TM9SF4: variants seen among roughly 807,000 people sequenced by gnomAD.
The protein encoded by TM9SF4 is transmembrane 9 superfamily member 4.
In TM9SF4, 26 loss-of-function variants were observed where a neutral mutation model predicts 90.4. The ratio of observed to expected loss-of-function variants is 0.29; its 90% CI spans 0.21 to 0.40. The LOEUF (loss-of-function observed/expected upper bound fraction) is 0.40. TM9SF4 is among the 10% of genes least tolerant of loss of function. The pLI, the probability that TM9SF4 is intolerant of heterozygous loss-of-function variation, is 1.00. For synonymous variants in TM9SF4, 293 were observed against 315.4 expected, an observed-to-expected ratio of 0.93 and a Z score of 0.75; for missense variants, 549 against 834.8, an observed-to-expected ratio of 0.66 and a Z score of 4.22.
rs979848885 is a variant in TM9SF4, at chr20:32,129,597, A to T, written c.16-3416A>T. ...GACATTTTACTATTGTAAGTAGTGA[A>T]TTTTTTTTTTTTTTTTTTTGAAATA... On this transcript the variant is annotated intron_variant, in intron 1 of 17. Coordinates refer to ENST00000398022, the MANE Select transcript of TM9SF4 (RefSeq NM_014742.4). Among the ~76,000 whole-genome samples the T allele has an allele frequency of 1.4e-4, 19 of 139,662 alleles. No individual in the cohort carries two copies. In the South Asian group the frequency reaches 3.4e-3, roughly 25 times the overall value. 91.6% of individuals were successfully genotyped at this position (139,662 alleles called of 152,430 possible).
At chr20:32,134,969 A>G (rs925933583) in intron 2 of TM9SF4, among the ~76,000 whole-genome samples, 2 of 152,208 alleles carry the variant, frequency 1.3e-5, no homozygotes, top group Non-Finnish European at 2.9e-5. Flanking sequence ...GAAAATTTCT[A>G]ATCCCAAAAA....
At chr20:32,163,268 A>AAATATATATATATAT (rs1555886757) in intron 17 of TM9SF4, among the ~76,000 whole-genome samples, 8 of 74,484 alleles carry the variant, frequency 1.1e-4, no homozygotes, top group African/African-American at 4.1e-4. Flanking sequence ...AAAAAAAAAA[A>AAATATATATATATAT]ATATATATAT....
intron 3 of TM9SF4, among the ~76,000 whole-genome samples, chr20:32,140,030 C>T (rs2046649078): frequency 6.6e-6 from 1 of 152,214 alleles, no homozygotes; most frequent in Non-Finnish European, 1.5e-5. Flanking sequence ...TCTATGAGTA[C>T]ATCTATTCAA....
At chr20:32,125,565 G>C (rs1335301715) in intron 1 of TM9SF4, among the ~76,000 whole-genome samples, 21 of 152,018 alleles carry the variant, frequency 1.4e-4, no homozygotes, top group Admixed American at 1.4e-3. Context: ...AAGCCCTCCT[G>C]GTAATTTCCA....
intron 12 of TM9SF4, among the ~76,000 whole-genome samples, chr20:32,154,641 C>T (rs1002763229): frequency 4.4e-4 from 67 of 152,052 alleles, no homozygotes; most frequent in African/African-American, 1.5e-3. Context: ...TTAGTAGAGA[C>T]GGAGTTTCGC....
intron 1 of TM9SF4, among the ~76,000 whole-genome samples, chr20:32,122,273 C>T (rs1238131726): frequency 7.4e-6 from 1 of 135,628 alleles, no homozygotes; most frequent in Non-Finnish European, 1.5e-5. Context: ...CCACCTCCCT[C>T]CCGGACGGGG....
intron 3 of TM9SF4, among the ~76,000 whole-genome samples, chr20:32,139,310 G>C (rs1453579943): frequency 1.3e-5 from 2 of 152,196 alleles, no homozygotes; most frequent in Non-Finnish European, 2.9e-5. Context: ...TATCCAAACT[G>C]AAAATGCCTT....
At chr20:32,158,355 C>T (rs1053900706) in intron 14 of TM9SF4, 96 bp from the exon 15 acceptor site, 15 of 1,149,252 alleles carry the variant, frequency 1.3e-5, no homozygotes, top group African/African-American at 3.1e-5. Context: ...CCACCACACT[C>T]GTGTAGGTGC....
intron 3 of TM9SF4, chr20:32,137,085 G>T (rs1253969774): frequency 1.5e-5 from 7 of 454,236 alleles, no homozygotes; most frequent in Non-Finnish European, 2.2e-5. Context: ...AATACCAACT[G>T]TGCCGAAGTC....
rs386393622 is a variant in TM9SF4 at position 32,115,807 on chromosome 20, C to CTTTTT, written c.15+6072_15+6076dup. Among the ~76,000 whole-genome samples, 468 of 95,088 alleles carry CTTTTT rather than the reference C, an allele frequency of 4.9e-3. 13 individuals are homozygous for CTTTTT. The highest frequency in any genetic ancestry group is 7.2e-3 in the Middle Eastern group (1 of 138). 62.4% of individuals were successfully genotyped at this position (95,088 alleles called of 152,430 possible). ...TAATAACAAAACCTACCACTTTAAG[C>CTTTTT]TTTTTTTTTTTTTTTTTTTTTTTTG... On this transcript the variant is annotated intron_variant, in intron 1 of 17. Transcript: ENST00000398022.
At position 32,157,810 on chromosome 20, in the gene TM9SF4, T is replaced by C; in HGVS notation, c.1346T>C (p.Met449Thr). 1 of 1,614,200 alleles carries C rather than the reference T, an allele frequency of 6.2e-7. No homozygotes were observed. The highest frequency in any genetic ancestry group is 1.1e-5 in the South Asian group (1 of 91,088). ...HSSGAVPFPT[M>T]VALLCMWFGI... ...TGTCTACAGGTGCCCTTTCCCACCA[T>C]GGTGGCTCTGCTGTGCATGTGGTTC... The change falls in exon 14 of 18, where the codon ATG (methionine) becomes ACG (threonine). Residue 449 changes from methionine (M) to threonine (T), a missense_variant. Transcript: ENST00000398022.
intron 1 of TM9SF4, among the ~76,000 whole-genome samples, chr20:32,124,676 T>G (rs2046393334): frequency 6.6e-6 from 1 of 151,792 alleles, no homozygotes; most frequent in Admixed American, 6.6e-5. Context: ...AACCTCTGCC[T>G]CCCAGGTTCA....
chr20:32,145,073 A>T lies in TM9SF4; in HGVS notation c.653-18A>T. ...CACTGGCCACCACAGGAACAGACTG[A>T]GTCTGTGTCTCTCTCAGACCTCAAA... On this transcript the variant is annotated intron_variant, in intron 6 of 17. Transcript: ENST00000398022. The T allele has an allele frequency of 6.2e-7, 1 of 1,611,632 alleles. No homozygotes were observed. The highest frequency in any genetic ancestry group is 1.7e-4 in the Middle Eastern group (1 of 6,058).
chr20:32,151,573 GGC>G, intron 12 of TM9SF4, among the ~76,000 whole-genome samples: 1 of 152,204 alleles, frequency 6.6e-6, no homozygotes, highest in Non-Finnish European at 1.5e-5. Flanking sequence ...TATCAGTTCT[GGC>G]TGCGACGCTT....
Position 32,141,479 on chromosome 20 carries a change from C to G in TM9SF4, c.230-18C>G. The G allele has an allele frequency of 6.2e-7, 1 of 1,613,168 alleles. No individual in the cohort carries two copies. Among genetic ancestry groups the G allele is most frequent in the Non-Finnish European group, 8.5e-7 (1 of 1,179,398 alleles). ...TCAGGGCTGAAGCTCTGAGCTTGAT[C>G]TGTCTCTCTTACGGCAGGAGAGGTG... On this transcript the variant is annotated intron_variant, in intron 3 of 17. Coordinates refer to ENST00000398022, the MANE Select transcript of TM9SF4 (RefSeq NM_014742.4).
chr20:32,145,725 G>A (rs945249968), intron 8 of TM9SF4, among the ~76,000 whole-genome samples: 1 of 152,112 alleles, frequency 6.6e-6, no homozygotes, highest in African/African-American at 2.4e-5. Flanking sequence ...CCAGATGCTG[G>A]GAATATGGTA....
chr20:32,162,773 G>A (rs2047035661), intron 17 of TM9SF4, among the ~76,000 whole-genome samples: 1 of 151,718 alleles, frequency 6.6e-6, no homozygotes. Flanking sequence ...GGATCATCTA[G>A]AACAAATCTA....
At chr20:32,155,288 T>G in intron 13 of TM9SF4, 102 bp downstream of exon 13, 2 of 1,004,978 alleles carry the variant, frequency 2.0e-6, no homozygotes, top group South Asian at 2.6e-5. Context: ...CCTTCCCTTT[T>G]CTGAGTCCCC....
intron 16 of TM9SF4, among the ~76,000 whole-genome samples, chr20:32,160,478 G>T (rs1438210724): frequency 6.6e-6 from 1 of 152,146 alleles, no homozygotes; most frequent in Non-Finnish European, 1.5e-5. Flanking sequence ...GCCAGGGTTT[G>T]GGATGAACAG....
Sources: allele counts gnomAD v4.1 joint callset (sites outside exome capture counted in the v4.1 genomes callset), GRCh38; gene constraint gnomAD v4.1.1; transcripts MANE v1.5; gene names NCBI Gene and HGNC (gene_info 2026-07-23, HGNC 2026-07-21).